The following GRID1 variants were observed in gnomAD, a reference collection of about 807,000 sequenced individuals.
The protein encoded by GRID1 is glutamate receptor ionotropic, delta-1.
A neutral mutation model predicts 98.0 loss-of-function variants in GRID1; 28 were observed. That is an observed-to-expected ratio of 0.29 (90% CI 0.21 to 0.39). GRID1 has a LOEUF of 0.39. Ranked by LOEUF, GRID1 falls within the 10% of genes least tolerant of loss-of-function variation. GRID1 has a pLI of 1.00. For synonymous variants in GRID1, 553 were observed against 538.5 expected, an observed-to-expected ratio of 1.03 and a Z score of -0.37; for missense variants, 1,111 against 1,340.5, an observed-to-expected ratio of 0.83 and a Z score of 2.67.
rs1487272175 is a variant in GRID1 at position 85,916,963 on chromosome 10, T to C, written c.727-724A>G. ...CTCCTAGGTCACAGCTGTGTCCCAA[T>C]AGCTGTAACCAGCACACAGCAGGTA... On this transcript the variant is annotated intron_variant, in intron 4 of 15. Coordinates refer to ENST00000327946, the MANE Select transcript of GRID1 (RefSeq NM_017551.3). This position sits in a 1 kb window ranked among gnomAD's most constrained non-coding sequence, Gnocchi z 4.0. Among the ~76,000 whole-genome samples, 1 of 152,206 alleles carries C rather than the reference T, an allele frequency of 6.6e-6. No homozygotes were observed. The highest frequency in any genetic ancestry group is 2.1e-4 in the South Asian group (1 of 4,832).
intron 2 of GRID1, among the ~76,000 whole-genome samples, chr10:86,313,495 T>A (rs1459311734): frequency 2.6e-5 from 4 of 151,786 alleles, no homozygotes; most frequent in Non-Finnish European, 5.9e-5. Flanking sequence ...GCCTCTGAGC[T>A]CCCCTCCTCA....
At chr10:85,978,422 T>C (rs1842501968) in intron 4 of GRID1, among the ~76,000 whole-genome samples, 1 of 152,136 alleles carries the variant, frequency 6.6e-6, no homozygotes, top group Non-Finnish European at 1.5e-5. Flanking sequence ...TAAGGCATAA[T>C]AAATTAGAGC....
rs952356351 is a variant in GRID1, at chr10:86,173,106, C to T, written c.520+33258G>A. Among the ~76,000 whole-genome samples, 9 of 152,206 alleles carry T rather than the reference C, an allele frequency of 5.9e-5. No individual in the cohort carries two copies. In the South Asian group the frequency reaches 1.2e-3, roughly 21 times the overall value. The stretch of plus-strand genomic sequence containing the variant: ...AGGCTGGAGTGCAGTGGCCCAATCA[C>T]GTCTCACTACAGCCTTGATCTCCTG... On this transcript the variant is annotated intron_variant, in intron 3 of 15. Transcript: ENST00000327946.
At chr10:86,176,464 A>G (rs952544832) in intron 3 of GRID1, among the ~76,000 whole-genome samples, 3 of 152,256 alleles carry the variant, frequency 2.0e-5, no homozygotes, top group Non-Finnish European at 4.4e-5. Context: ...GCCTGAAAAA[A>G]TGGAGGCATA....
At chr10:86,165,773 G>A (rs1342178214) in intron 3 of GRID1, among the ~76,000 whole-genome samples, 1 of 152,134 alleles carries the variant, frequency 6.6e-6, no homozygotes, top group Non-Finnish European at 1.5e-5. Flanking sequence ...AGGTGCTCAG[G>A]GGAGGAAACC....
intron 4 of GRID1, among the ~76,000 whole-genome samples, chr10:85,938,056 C>G (rs908989506): frequency 1.3e-5 from 2 of 152,162 alleles, no homozygotes; most frequent in Admixed American, 6.5e-5. Flanking sequence ...ATTTGACAAG[C>G]CTTTGAGCTT....
rs549789414 is a variant in GRID1, at chr10:85,724,685, C to T, written c.1534-9G>A. The T allele has an allele frequency of 8.1e-6, 13 of 1,602,092 alleles. No individual in the cohort carries two copies. In the South Asian group the frequency reaches 1.3e-4, roughly 16 times the overall value. ...ATGGCCAAGTCTGCTCTCTGAAAGGCAAAGCCATCTCATTTAGACGGCAGT... is the reference window on the plus strand; with the variant it reads ...ATGGCCAAGTCTGCTCTCTGAAAGGTAAAGCCATCTCATTTAGACGGCAGT... On this transcript the variant is annotated splice_polypyrimidine_tract_variant and intron_variant, in intron 10 of 15. Transcript: ENST00000327946.
rs181156432 is a variant in GRID1, at chr10:85,828,938, C to G, written c.1233+25558G>C. On this transcript the variant is annotated intron_variant, in intron 8 of 15. Transcript: ENST00000327946. Reference sequence around the variant, plus strand: ...ATTCCAAAAAATTGAGGAGGAGGGACTCTTTCCTAACTTATTCTATGAGGC... The same window carrying G: ...ATTCCAAAAAATTGAGGAGGAGGGAGTCTTTCCTAACTTATTCTATGAGGC... Among the ~76,000 whole-genome samples, 81 of 152,190 alleles carry G rather than the reference C, an allele frequency of 5.3e-4. 1 individual carries two copies. The South Asian group carries it at 7.0e-3, about 13-fold the overall frequency.
chr10:85,768,628 T>C (rs1199572696), intron 8 of GRID1, among the ~76,000 whole-genome samples: 3 of 152,204 alleles, frequency 2.0e-5, no homozygotes, highest in Non-Finnish European at 1.5e-5. Flanking sequence ...TCTAAAACAT[T>C]TGAAAAGATA....
chr10:85,970,003 A>T (rs1284039299), intron 4 of GRID1, among the ~76,000 whole-genome samples: 1 of 151,974 alleles, frequency 6.6e-6, no homozygotes, highest in Non-Finnish European at 1.5e-5. Context: ...GAAATAAAAG[A>T]GGGGATTTCA....
intron 4 of GRID1, among the ~76,000 whole-genome samples, chr10:86,072,301 A>T (rs1367458596): frequency 6.6e-6 from 1 of 152,208 alleles, no homozygotes; most frequent in Non-Finnish European, 1.5e-5. Context: ...ACTAAGATTT[A>T]TCACTAACCA....
chr10:86,087,911 C>T (rs1844088251), intron 4 of GRID1, among the ~76,000 whole-genome samples: 1 of 152,178 alleles, frequency 6.6e-6, no homozygotes, highest in African/African-American at 2.4e-5. Context: ...CTAGTTCCTC[C>T]CCACCCCCTC....
At chr10:86,178,403 A>G (rs1174550152) in intron 3 of GRID1, among the ~76,000 whole-genome samples, 1 of 152,166 alleles carries the variant, frequency 6.6e-6, no homozygotes, top group East Asian at 1.9e-4. Context: ...GGGTGACAGC[A>G]AGTCACTCAG....
At chr10:85,742,845 T>C (rs1841957719) in intron 8 of GRID1, among the ~76,000 whole-genome samples, 1 of 152,178 alleles carries the variant, frequency 6.6e-6, no homozygotes, top group Non-Finnish European at 1.5e-5. Flanking sequence ...GGCCATACAG[T>C]GTCTGCTTAG....
At chr10:85,631,101 C>T (rs551897004) in intron 13 of GRID1, among the ~76,000 whole-genome samples, 7 of 152,258 alleles carry the variant, frequency 4.6e-5, no homozygotes, top group Non-Finnish European at 8.8e-5. Context: ...AATTCTGTTC[C>T]CTGAATTTCT....
At chr10:86,170,067 A>C (rs187825927) in intron 3 of GRID1, among the ~76,000 whole-genome samples, 1 of 152,296 alleles carries the variant, frequency 6.6e-6, no homozygotes, top group East Asian at 1.9e-4. Flanking sequence ...AATGAAAAGC[A>C]TTATCCCAAG....
intron 4 of GRID1, among the ~76,000 whole-genome samples, chr10:85,988,706 C>G (rs1842641951): frequency 6.6e-6 from 1 of 152,298 alleles, no homozygotes. Flanking sequence ...TCTAGATGCA[C>G]GTGGGTATGG....
intron 8 of GRID1, among the ~76,000 whole-genome samples, chr10:85,780,449 C>T (rs1415854933): frequency 1.3e-5 from 2 of 152,174 alleles, no homozygotes; most frequent in Non-Finnish European, 2.9e-5. Flanking sequence ...TCCTGCACCA[C>T]GGGGCAGAAG....
chr10:85,986,116 G>A (rs1842605427), intron 4 of GRID1, among the ~76,000 whole-genome samples: 1 of 152,224 alleles, frequency 6.6e-6, no homozygotes, highest in Non-Finnish European at 1.5e-5. Context: ...CAACGAGGAG[G>A]GAAGTTCTGC....
Sources: gnomAD v4.1 joint callset for allele counts (sites outside exome capture counted in the v4.1 genomes callset) on GRCh38, gnomAD v4.1.1 for gene constraint, Gnocchi (gnomAD v3.1) non-coding constraint, MANE v1.5 for transcripts, NCBI Gene and HGNC (gene_info 2026-07-23, HGNC 2026-07-21) for gene names.